CPQ: variants seen among roughly 807,000 people sequenced by gnomAD.
CPQ encodes the protein carboxypeptidase Q.
A neutral mutation model predicts 45.7 loss-of-function variants in CPQ; 37 were observed. The ratio of observed to expected loss-of-function variants is 0.81; its 90% CI spans 0.62 to 1.07. CPQ has a LOEUF of 1.07. Ranked by LOEUF, CPQ falls within the 50% of genes least tolerant of loss-of-function variation. CPQ has a pLI of 0.00. For missense variants in CPQ, 537 were observed against 572.9 expected (o/e 0.94, Z 0.64); for synonymous variants, 186 against 205.8 (o/e 0.90, Z 0.82).
intron 6 of CPQ, among the ~76,000 whole-genome samples, chr8:97,047,605 C>T (rs543435675): frequency 8.5e-5 from 13 of 152,134 alleles, no homozygotes; most frequent in African/African-American, 1.4e-4. Context: ...TATTTGTTCA[C>T]GAAGTTAATT....
chr8:96,650,172 C>T lies in CPQ; in HGVS notation c.-35+4770C>T, dbSNP rs539635829. 2.0e-5 allele frequency among the ~76,000 whole-genome samples: 3 copies of T among 152,280 alleles called. No homozygotes were observed. The South Asian group carries it at 6.2e-4, about 32-fold the overall frequency. On this transcript the variant is annotated intron_variant, in intron 1 of 7. Coordinates refer to ENST00000220763, the MANE Select transcript of CPQ (RefSeq NM_016134.4). The stretch of plus-strand genomic sequence containing the variant: ...GAGACAAACAGGTGTGGGTGCTGGG[C>T]AGAGGGCTTGATCTCATTTTGCAGA...
At chr8:96,730,155 A>T (rs1399863818) in intron 1 of CPQ, among the ~76,000 whole-genome samples, 1 of 152,212 alleles carries the variant, frequency 6.6e-6, no homozygotes, top group Non-Finnish European at 1.5e-5. Flanking sequence ...AGGGACATAG[A>T]CCTTTATAAA....
rs1175458301 is a variant in CPQ at position 96,843,153 on chromosome 8, C to T, written c.641+7973C>T. 4.6e-5 allele frequency among the ~76,000 whole-genome samples: 7 copies of T among 152,218 alleles called. No homozygotes were observed. In the East Asian group the frequency reaches 5.8e-4, roughly 13 times the overall value. ...AACTCTCGACCTCAGGTGATCTGCC[C>T]GCCTTGGCTCCCAAAGTACTGAGAT... On this transcript the variant is annotated intron_variant, in intron 3 of 7. Transcript: ENST00000220763.
chr8:97,049,481 A>G (rs902644803), intron 6 of CPQ, among the ~76,000 whole-genome samples: 1 of 152,228 alleles, frequency 6.6e-6, no homozygotes, highest in Non-Finnish European at 1.5e-5. Context: ...AACCACCATT[A>G]ACAGCTCCCC....
At chr8:97,074,098 A>C (rs1810801957) in intron 7 of CPQ, among the ~76,000 whole-genome samples, 1 of 152,232 alleles carries the variant, frequency 6.6e-6, no homozygotes, top group African/African-American at 2.4e-5. Flanking sequence ...ACCATTGGGC[A>C]GTTAGTCATG....
chr8:96,837,220 C>T (rs1179254622), intron 3 of CPQ, among the ~76,000 whole-genome samples: 2 of 152,184 alleles, frequency 1.3e-5, no homozygotes, highest in Non-Finnish European at 2.9e-5. Flanking sequence ...TTGTCTACTT[C>T]TAGCTTATTG....
intron 1 of CPQ, among the ~76,000 whole-genome samples, chr8:96,747,470 C>T (rs900626245): frequency 2.6e-5 from 4 of 151,992 alleles, no homozygotes; most frequent in Admixed American, 2.6e-4. Context: ...AAAAAAACAC[C>T]TGAGAAAAAT....
At chr8:96,650,341 G>A (rs555358394) in intron 1 of CPQ, among the ~76,000 whole-genome samples, 15 of 152,340 alleles carry the variant, frequency 9.8e-5, no homozygotes, top group South Asian at 6.2e-4. Flanking sequence ...GCAGATCAAC[G>A]CAGTGTTCTC....
chr8:96,895,670 C>T (rs1168962740), intron 4 of CPQ, among the ~76,000 whole-genome samples: 1 of 152,092 alleles, frequency 6.6e-6, no homozygotes, highest in Non-Finnish European at 1.5e-5. Context: ...CTCTCCCTTC[C>T]AAGAGAACTG....
At chr8:96,668,632 T>C (rs549088222) in intron 1 of CPQ, among the ~76,000 whole-genome samples, 16 of 152,278 alleles carry the variant, frequency 1.1e-4, no homozygotes, top group Admixed American at 3.9e-4. Flanking sequence ...TCCAGGAAGA[T>C]GGAGTAAATG....
intron 4 of CPQ, among the ~76,000 whole-genome samples, chr8:96,931,167 C>T (rs1812970059): frequency 6.6e-6 from 1 of 152,220 alleles, no homozygotes; most frequent in South Asian, 2.1e-4. Flanking sequence ...AACAAGCCTC[C>T]ACTTACAGAG....
chr8:97,133,538 T>C (rs934939398), intron 7 of CPQ, among the ~76,000 whole-genome samples: 1 of 152,236 alleles, frequency 6.6e-6, no homozygotes, highest in African/African-American at 2.4e-5. Flanking sequence ...AAAAAATTTA[T>C]TCAATTCATT....
intron 2 of CPQ, among the ~76,000 whole-genome samples, chr8:96,827,159 C>T (rs929281660): frequency 3.3e-5 from 5 of 152,086 alleles, no homozygotes; most frequent in African/African-American, 1.2e-4. Context: ...TCGCAGTTTA[C>T]AAGGCAATGG....
intron 1 of CPQ, among the ~76,000 whole-genome samples, chr8:96,696,347 C>T (rs986910111): frequency 2.0e-5 from 3 of 151,518 alleles, no homozygotes; most frequent in South Asian, 2.1e-4. Flanking sequence ...TGGTAGATGA[C>T]GAGTTAGTGG....
chr8:96,898,088 C>T (rs1280664384), intron 4 of CPQ, among the ~76,000 whole-genome samples: 1 of 152,166 alleles, frequency 6.6e-6, no homozygotes, highest in Non-Finnish European at 1.5e-5. Flanking sequence ...CCTTTGGAAA[C>T]AGCACCTCTC....
intron 5 of CPQ, among the ~76,000 whole-genome samples, chr8:96,993,014 C>T (rs1167419509): frequency 3.3e-5 from 5 of 152,172 alleles, no homozygotes; most frequent in African/African-American, 1.2e-4. Flanking sequence ...GGCTCTGCCA[C>T]CTGCACTGAC....
At chr8:96,953,000 T>G (rs1334692112) in intron 4 of CPQ, among the ~76,000 whole-genome samples, 1 of 152,126 alleles carries the variant, frequency 6.6e-6, no homozygotes, top group Non-Finnish European at 1.5e-5. Context: ...AAGGCAAATT[T>G]TAAGTCATAA....
At chr8:96,974,028 C>A (rs1214640691) in intron 5 of CPQ, among the ~76,000 whole-genome samples, 1 of 152,098 alleles carries the variant, frequency 6.6e-6, no homozygotes, top group Non-Finnish European at 1.5e-5. Context: ...TCAATACTAA[C>A]ATTGATTGTA....
intron 7 of CPQ, among the ~76,000 whole-genome samples, chr8:97,117,786 G>A (rs1454624667): frequency 6.6e-6 from 1 of 152,028 alleles, no homozygotes; most frequent in African/African-American, 2.4e-5. Flanking sequence ...CAATTATCCT[G>A]TCTTGATGAT....
Sources: allele counts gnomAD v4.1 joint callset (sites outside exome capture counted in the v4.1 genomes callset), GRCh38; gene constraint gnomAD v4.1.1; transcripts MANE v1.5; gene names NCBI Gene and HGNC (gene_info 2026-07-23, HGNC 2026-07-21).